The following PPP1R13B variants were observed in gnomAD, a reference collection of about 807,000 sequenced individuals.
The protein encoded by PPP1R13B is protein phosphatase 1 regulatory subunit 13B.
PPP1R13B carries 44 observed loss-of-function variants against 119.8 expected under a neutral mutation model. The ratio of observed to expected loss-of-function variants is 0.37; its 90% CI spans 0.29 to 0.47. The LOEUF (loss-of-function observed/expected upper bound fraction) is 0.47. Among genes scored for constraint, PPP1R13B ranks in the 20% least tolerant of loss-of-function variants. PPP1R13B has a pLI of 0.99. For synonymous variants in PPP1R13B, 542 were observed against 561.5 expected, an observed-to-expected ratio of 0.97 and a Z score of 0.49; for missense variants, 1,227 against 1,413.5, an observed-to-expected ratio of 0.87 and a Z score of 2.12.
intron 9 of PPP1R13B, among the ~76,000 whole-genome samples, chr14:103,745,032 G>A (rs761317714): frequency 2.0e-5 from 3 of 152,184 alleles, no homozygotes; most frequent in Admixed American, 2.0e-4. Context: ...ACCTCCCACT[G>A]GAAACAGACA....
chr14:103,825,253 T>C (rs1371396609), intron 1 of PPP1R13B, among the ~76,000 whole-genome samples: 1 of 152,158 alleles, frequency 6.6e-6, no homozygotes, highest in African/African-American at 2.4e-5. Context: ...CGAGCCTCCC[T>C]ATTCCCTGAG....
chr14:103,746,240 G>C (rs1567089216), intron 9 of PPP1R13B, 133 bp downstream of exon 9: 7 of 951,094 alleles, frequency 7.4e-6, no homozygotes, highest in Non-Finnish European at 1.1e-5. Context: ...GCGCCTCACG[G>C]GGAGACTGAG....
At chr14:103,809,844 T>TTC (rs2086105229) in intron 1 of PPP1R13B, among the ~76,000 whole-genome samples, 1 of 151,392 alleles carries the variant, frequency 6.6e-6, no homozygotes, top group African/African-American at 2.4e-5. Flanking sequence ...TTATTATTTT[T>TTC]GAGACAGAGT....
At chr14:103,807,643 T>C (rs1420747616) in intron 1 of PPP1R13B, among the ~76,000 whole-genome samples, 2 of 152,008 alleles carry the variant, frequency 1.3e-5, no homozygotes, top group East Asian at 3.9e-4. Flanking sequence ...AAAAAGTGCC[T>C]GCCACCACGC....
At chr14:103,848,232 CG>C (rs1488435158), upstream of PPP1R13B, 6 of 984,728 alleles carry the variant, frequency 6.1e-6, no homozygotes, top group Admixed American at 3.7e-4. Flanking sequence ...AGCGATCTCC[CG>C]CCTAGAACCC....
intron 1 of PPP1R13B, among the ~76,000 whole-genome samples, chr14:103,835,425 CTTTTTTT>C (rs71126076): frequency 1.8e-4 from 22 of 125,338 alleles, no homozygotes; most frequent in East Asian, 4.7e-4. Flanking sequence ...GCGCCCAGCA[CTTTTTTT>C]TTTTTTTTTT....
chr14:103,757,953 A>T (rs11851979), intron 4 of PPP1R13B, among the ~76,000 whole-genome samples: 3 of 152,230 alleles, frequency 2.0e-5, no homozygotes, highest in African/African-American at 7.2e-5. Context: ...TAATGCATAA[A>T]CATCAGATAC....
Position 103,740,144 on chromosome 14 carries a change from C to A in PPP1R13B, c.2272G>T (p.Val758Leu), listed in dbSNP as rs1190427372. Reference sequence around the variant, plus strand: ...TTGGCATTGGTGTTTCCATTGTCCACATCGGCCAAGGTGCCCATGAAGTCC... The same window carrying A: ...TTGGCATTGGTGTTTCCATTGTCCAAATCGGCCAAGGTGCCCATGAAGTCC... ...SQDFMGTLAD[V>L]DNGNTNANGN... is the part of the protein sequence containing the mutation. Residue 758 changes from valine (V) to leucine (L), a missense_variant, in exon 12 of 17, where the codon GTG (valine) becomes TTG (leucine). Physicochemically the swap from Val to Leu is conservative, Grantham distance 32. Transcript: ENST00000202556. The surrounding 1 kb of genome is among the most constrained non-coding windows in gnomAD (Gnocchi z 4.6). 2 of 1,613,472 alleles carry A rather than the reference C, an allele frequency of 1.2e-6. No individual in the cohort carries two copies. Among genetic ancestry groups the A allele is most frequent in the Non-Finnish European group, 1.7e-6 (2 of 1,180,038 alleles).
intron 6 of PPP1R13B, 152 bp from the exon 7 acceptor site, chr14:103,753,348 T>A: frequency 1.4e-6 from 1 of 718,080 alleles, no homozygotes; most frequent in South Asian, 2.2e-5. Context: ...TCAAAAAGCC[T>A]TTGGGACACA....
intron 1 of PPP1R13B, among the ~76,000 whole-genome samples, chr14:103,806,728 C>T (rs2086026222): frequency 6.6e-6 from 1 of 152,154 alleles, no homozygotes; most frequent in African/African-American, 2.4e-5. Flanking sequence ...CTGGGAGTTG[C>T]TGTCATCCAC....
chr14:103,796,332 C>T (rs1350931700), intron 2 of PPP1R13B, among the ~76,000 whole-genome samples: 2 of 151,948 alleles, frequency 1.3e-5, no homozygotes, highest in Admixed American at 1.3e-4. Flanking sequence ...AGACATTTCT[C>T]CAGAGAAGAT....
Position 103,734,672 on chromosome 14 carries a change from A to G in PPP1R13B, c.*482T>C. The G allele has an allele frequency of 4.4e-6, 2 of 456,900 alleles. No homozygotes were observed. The highest frequency in any genetic ancestry group is 3.1e-5 in the South Asian group (2 of 64,552). The allele number at this position is 456,900 out of a possible 1,614,324, so 28.3% of individuals were successfully genotyped here. A position where few individuals can be genotyped will look rare whatever the true frequency, so the allele number is the denominator to read the frequency against. On this transcript the variant is annotated 3_prime_UTR_variant, in exon 17 of 17. Coordinates refer to ENST00000202556, the MANE Select transcript of PPP1R13B (RefSeq NM_015316.3). ...TTTCCATACAGAGGCTCCTTTGGTG[A>G]TGAAGGGAAGAAGGATCATGTGTGG...
chr14:103,840,405 A>C (rs1446113243), intron 1 of PPP1R13B, among the ~76,000 whole-genome samples: 1 of 152,262 alleles, frequency 6.6e-6, no homozygotes, highest in African/African-American at 2.4e-5. Flanking sequence ...AAAACCGTTC[A>C]GAGTAGGATG....
In PPP1R13B at chr14:103,753,196, G is replaced by A. The variant is rs201531989; in HGVS notation, c.632C>T (p.Ser211Phe). Residue 211 changes from serine to phenylalanine, a missense_variant and splice_region_variant, in exon 7 of 17, where the codon TCT (serine) becomes TTT (phenylalanine). Physicochemically the swap from Ser to Phe is radical, Grantham distance 155. Transcript: ENST00000202556. ...GGCACTGAACCTTTCTATTTCAGCAGCTATAATTGACCACACAAGAAAAGA... is the reference window on the plus strand; with the variant it reads ...GGCACTGAACCTTTCTATTTCAGCAACTATAATTGACCACACAAGAAAAGA... ...DYSKIMNGNL[S>F]AEIERFSAMF... The A allele has an allele frequency of 6.2e-7, 1 of 1,604,294 alleles. No homozygotes were observed. The highest frequency in any genetic ancestry group is 8.5e-7 in the Non-Finnish European group (1 of 1,176,998).
At chr14:103,823,061 G>A (rs573038250) in intron 1 of PPP1R13B, among the ~76,000 whole-genome samples, 2 of 151,746 alleles carry the variant, frequency 1.3e-5, no homozygotes, top group African/African-American at 2.4e-5. Flanking sequence ...CAATTTGGCC[G>A]GGCACAGTGG....
chr14:103,760,493 T>C (rs1279984940), intron 4 of PPP1R13B, among the ~76,000 whole-genome samples: 2 of 152,120 alleles, frequency 1.3e-5, no homozygotes, highest in African/African-American at 4.8e-5. Context: ...TTCCAACAAC[T>C]AAGTTAAATT....
chr14:103,834,647 A>G (rs2086734761), intron 1 of PPP1R13B, among the ~76,000 whole-genome samples: 1 of 141,976 alleles, frequency 7.0e-6, no homozygotes, highest in African/African-American at 2.7e-5. Context: ...CTGGAGGGCA[A>G]TGGAGCAATC....
chr14:103,736,360 C>A, intron 15 of PPP1R13B, 158 bp from the exon 16 acceptor site: 1 of 717,418 alleles, frequency 1.4e-6, no homozygotes, highest in South Asian at 1.8e-5. Context: ...AAGACTAGGG[C>A]CCCCACCCGA....
intron 1 of PPP1R13B, among the ~76,000 whole-genome samples, chr14:103,815,534 A>AAC (rs1368619148): frequency 6.6e-6 from 1 of 152,096 alleles, no homozygotes; most frequent in Admixed American, 6.6e-5. Flanking sequence ...AGGTGGGTGG[A>AAC]TCATGAGGTC....
Sources: gnomAD v4.1 joint callset for allele counts (sites outside exome capture counted in the v4.1 genomes callset) on GRCh38, gnomAD v4.1.1 for gene constraint, Gnocchi (gnomAD v3.1) non-coding constraint, MANE v1.5 for transcripts, NCBI Gene and HGNC (gene_info 2026-07-23, HGNC 2026-07-21) for gene names.